LARP1: variants seen among roughly 807,000 people sequenced by gnomAD.
The protein encoded by LARP1 is la-related protein 1.
LARP1 carries 36 observed loss-of-function variants against 122.7 expected under a neutral mutation model. That is an observed-to-expected ratio of 0.29 (90% CI 0.22 to 0.39). The LOEUF (loss-of-function observed/expected upper bound fraction) is 0.39. Ranked by LOEUF, LARP1 falls within the 10% of genes least tolerant of loss-of-function variation. The probability of loss-of-function intolerance (pLI) is 1.00; values close to 1 mark genes in which losing one functional copy is unlikely to be tolerated. For synonymous variants in LARP1, 539 were observed against 528.7 expected (o/e 1.02, Z -0.27); for missense variants, 1,040 against 1,403.6 (o/e 0.74, Z 4.14).
upstream of LARP1, among the ~76,000 whole-genome samples, chr5:154,751,954 CCCAATT>C: frequency 1.3e-5 from 2 of 152,136 alleles, no homozygotes; most frequent in African/African-American, 4.8e-5. Context: ...GAATTCAAAT[CCCAATT>C]CCATCATTTT....
intron 18 of LARP1, 26 bp downstream of exon 18, chr5:154,811,666 T>G (rs1368194874): frequency 3.7e-6 from 6 of 1,613,540 alleles, no homozygotes; most frequent in Non-Finnish European, 4.2e-6. Context: ...TCTCTAACTC[T>G]GCTTGTCCTG....
intron 13 of LARP1, 80 bp from the exon 14 acceptor site, chr5:154,804,121 A>C (rs1758562512): frequency 2.0e-5 from 20 of 987,618 alleles, no homozygotes; most frequent in African/African-American, 6.4e-5. Flanking sequence ...GATCATGCCC[A>C]TCTTAGTCCT....
chr5:154,800,075 A>T (rs762968589), intron 10 of LARP1, 33 bp downstream of exon 10: 2 of 1,602,688 alleles, frequency 1.2e-6, no homozygotes, highest in Non-Finnish European at 1.7e-6. Flanking sequence ...CCTTGGTTCT[A>T]GCACTCTGAG....
chr5:154,804,903 T>C (rs139660648), intron 14 of LARP1: 263 of 456,278 alleles, frequency 5.8e-4, no homozygotes, highest in African/African-American at 2.8e-3. Flanking sequence ...GAAGAAAATA[T>C]ACAATTGATC....
intron 1 of LARP1, among the ~76,000 whole-genome samples, chr5:154,784,187 A>G (rs1450536584): frequency 1.3e-5 from 2 of 152,224 alleles, no homozygotes; most frequent in East Asian, 1.9e-4. Context: ...TCATTAAACA[A>G]GTGTCTGCTG....
rs184897644 is a variant in LARP1, at chr5:154,691,387, G to C, written c.-180+8350G>C. On this transcript the variant is annotated intron_variant, in intron 1 of 18. Transcript: ENST00000687700. ...CAGTCGCTTCCCCTCTCTGGGCCGC[G>C]GAGGTTAAAACTGGCCCTTTCCCCC... 1.4e-3 allele frequency among the ~76,000 whole-genome samples: 211 copies of C among 152,298 alleles called. 2 individuals are homozygous for C. In the East Asian group the frequency reaches 0.034, roughly 24 times the overall value.
chr5:154,779,484 C>G (rs1031154079), intron 1 of LARP1, among the ~76,000 whole-genome samples: 7 of 148,710 alleles, frequency 4.7e-5, no homozygotes, highest in African/African-American at 1.7e-4. Context: ...GGGTAGGGGT[C>G]GGACCCCCTC....
intron 16 of LARP1, 144 bp from the exon 17 acceptor site, chr5:154,811,103 G>A (rs1478552565): frequency 4.9e-5 from 30 of 616,484 alleles, no homozygotes; most frequent in Admixed American, 3.2e-4. Flanking sequence ...ACTTAGACTA[G>A]CATTCTAAAA....
At chr5:154,745,898 C>T (rs1025603314) in intron 1 of LARP1, among the ~76,000 whole-genome samples, 4 of 151,718 alleles carry the variant, frequency 2.6e-5, no homozygotes, top group South Asian at 4.1e-4. Context: ...CTGGTTCAAG[C>T]GATTCTCTTG....
intron 1 of LARP1, among the ~76,000 whole-genome samples, chr5:154,783,268 CTCTT>C (rs1367767365): frequency 1.1e-4 from 16 of 152,152 alleles, no homozygotes; most frequent in African/African-American, 2.4e-4. Flanking sequence ...GAAGGAATGT[CTCTT>C]TCTTCATAGT....
intron 1 of LARP1, among the ~76,000 whole-genome samples, chr5:154,741,176 C>G (rs1752863977): frequency 6.6e-6 from 1 of 152,186 alleles, no homozygotes; most frequent in African/African-American, 2.4e-5. Flanking sequence ...ACACGCCAGG[C>G]TCACTCCTGG....
chr5:154,749,749 C>T (rs1389447879), intron 1 of LARP1, among the ~76,000 whole-genome samples: 1 of 152,178 alleles, frequency 6.6e-6, no homozygotes, highest in Non-Finnish European at 1.5e-5. Flanking sequence ...ACCCAAGGGG[C>T]CCCATAGCAG....
chr5:154,807,247 C>A (rs1255224044), intron 15 of LARP1, among the ~76,000 whole-genome samples: 1 of 152,128 alleles, frequency 6.6e-6, no homozygotes, highest in Non-Finnish European at 1.5e-5. Flanking sequence ...AGTTGATTGG[C>A]ATTTGGGTTG....
At chr5:154,782,244 GATT>G (rs1184627315) in intron 1 of LARP1, among the ~76,000 whole-genome samples, 1 of 152,208 alleles carries the variant, frequency 6.6e-6, no homozygotes, top group Non-Finnish European at 1.5e-5. Context: ...AGTAAAAGGT[GATT>G]ATTATTACTG....
chr5:154,790,759 C>A (rs377507462), intron 3 of LARP1, 49 bp downstream of exon 3: 33 of 1,486,170 alleles, frequency 2.2e-5, no homozygotes, highest in Non-Finnish European at 2.8e-5. Flanking sequence ...TTGACATACA[C>A]ACATTTAGCT....
chr5:154,806,833 A>G (rs1758828854), intron 15 of LARP1, among the ~76,000 whole-genome samples: 1 of 152,236 alleles, frequency 6.6e-6, no homozygotes, highest in African/African-American at 2.4e-5. Context: ...CATATGATGG[A>G]ACATACCTAA....
chr5:154,804,410 A>T, intron 14 of LARP1, 103 bp downstream of exon 14: 2 of 865,598 alleles, frequency 2.3e-6, no homozygotes, highest in South Asian at 2.9e-5. Flanking sequence ...AATTAAAGGG[A>T]CCCTCATCTA....
rs1753798806 is a variant in LARP1 at position 154,755,647 on chromosome 5, C to T, written c.-111C>T. Reference sequence around the variant, plus strand: ...GAACCCCGACCCTTCTCTGCAGGGACTGGGGCCCAGCGCCCCGGAGGAAGG... The same window carrying T: ...GAACCCCGACCCTTCTCTGCAGGGATTGGGGCCCAGCGCCCCGGAGGAAGG... On this transcript the variant is annotated 5_prime_UTR_variant, in exon 1 of 19. Coordinates refer to ENST00000518297, the MANE Select transcript of LARP1 (RefSeq NM_033551.3). 1.0e-6 allele frequency: 1 copy of T among 987,530 alleles called. No homozygotes were observed. Among genetic ancestry groups the T allele is most frequent in the Non-Finnish European group, 1.2e-6 (1 of 830,226 alleles). 61.2% of individuals were successfully genotyped at this position (987,530 alleles called of 1,614,324 possible). A position where few individuals can be genotyped will look rare whatever the true frequency, so the allele number is the denominator to read the frequency against.
chr5:154,790,207 C>T (rs1440344771), intron 1 of LARP1, 118 bp from the exon 2 acceptor site: 1 of 755,810 alleles, frequency 1.3e-6, no homozygotes, highest in Non-Finnish European at 2.2e-6. Flanking sequence ...CTGTGTCTTT[C>T]TCCTTTGGGA....
Sources: allele counts gnomAD v4.1 joint callset (sites outside exome capture counted in the v4.1 genomes callset), GRCh38; gene constraint gnomAD v4.1.1; transcripts MANE v1.5; gene names NCBI Gene and HGNC (gene_info 2026-07-23, HGNC 2026-07-21).